NTRK3: variants seen among roughly 807,000 people sequenced by gnomAD.
NTRK3 encodes neurotrophic receptor tyrosine kinase 3.
A neutral mutation model predicts 91.7 loss-of-function variants in NTRK3; 24 were observed. That is an observed-to-expected ratio of 0.26 (90% confidence interval 0.19 to 0.37). The LOEUF (loss-of-function observed/expected upper bound fraction) is 0.37, where lower values mean the gene tolerates loss of function less well. Among genes scored for constraint, NTRK3 ranks in the 10% least tolerant of loss-of-function variants. The probability of loss-of-function intolerance (pLI) is 1.00; values close to 1 mark genes in which losing one functional copy is unlikely to be tolerated. For synonymous variants in NTRK3, 483 were observed against 404.0 expected (o/e 1.20, Z -2.34); for missense variants, 880 against 1,068.9 (o/e 0.82, Z 2.46).
exon 19 of NTRK3, chr15:87,861,637 C>G (rs980202511): frequency 1.5e-5 from 3 of 194,146 alleles, no homozygotes; most frequent in Non-Finnish European, 3.2e-5. Context: ...CCCACTTAGC[C>G]AGTGCCGGCT....
chr15:88,172,146 G>A (rs2045581766), intron 5 of NTRK3, among the ~76,000 whole-genome samples: 1 of 152,146 alleles, frequency 6.6e-6, no homozygotes, highest in African/African-American at 2.4e-5. Context: ...AGGCCTCTTG[G>A]ACCCAAGGCA....
chr15:88,218,809 C>T (rs944476623), intron 3 of NTRK3, among the ~76,000 whole-genome samples: 1 of 152,250 alleles, frequency 6.6e-6, no homozygotes, highest in African/African-American at 2.4e-5. Flanking sequence ...CGCATTAACC[C>T]CTGTGAGAGG....
At chr15:88,087,583 G>T (rs1346612982) in intron 13 of NTRK3, among the ~76,000 whole-genome samples, 3 of 152,168 alleles carry the variant, frequency 2.0e-5, no homozygotes, top group Non-Finnish European at 4.4e-5. Context: ...TTCCTCTTGG[G>T]ATCAATGGGA....
chr15:88,212,165 G>A (rs28441046), intron 3 of NTRK3, among the ~76,000 whole-genome samples: 4,918 of 151,952 alleles, frequency 0.032, 229 homozygotes, highest in African/African-American at 0.1. Context: ...TCAGGAGATC[G>A]AGACCATCCT....
At chr15:87,962,812 C>T (rs2072427020) in intron 14 of NTRK3, among the ~76,000 whole-genome samples, 1 of 152,152 alleles carries the variant, frequency 6.6e-6, no homozygotes, top group Non-Finnish European at 1.5e-5. Context: ...TCACTCTGAC[C>T]TTGAGAAAGT....
exon 19 of NTRK3, chr15:87,875,165 G>A (rs528544164): frequency 4.3e-6 from 1 of 231,958 alleles, no homozygotes; most frequent in East Asian, 6.1e-5. Flanking sequence ...AGTCTCTTCA[G>A]CTGGCAGGGA....
rs1597824340 is a variant in NTRK3 at position 88,184,411 on chromosome 15, C to G, written c.249-112G>C. 2.9e-6 allele frequency: 3 copies of G among 1,041,210 alleles called. No homozygotes were observed. In the East Asian group the frequency reaches 7.7e-5, roughly 27 times the overall value. The allele number at this position is 1,041,210 out of a possible 1,614,324, so 64.5% of individuals were successfully genotyped here. A position where few individuals can be genotyped will look rare whatever the true frequency, so the allele number is the denominator to read the frequency against. Reference sequence around the variant, plus strand: ...CCGATGAGCTAATTGATTGCCAGGCCTTTTGCCAAGTCACCAAATAAATCT... The same window carrying G: ...CCGATGAGCTAATTGATTGCCAGGCGTTTTGCCAAGTCACCAAATAAATCT... On this transcript the variant is annotated intron_variant, in intron 3 of 18. Transcript: ENST00000394480.
intron 13 of NTRK3, among the ~76,000 whole-genome samples, chr15:88,044,314 G>A (rs540621827): frequency 2.8e-5 from 4 of 141,512 alleles, no homozygotes; most frequent in Non-Finnish European, 6.0e-5. Context: ...AAGCTGGAGT[G>A]CAGTGACACG....
At chr15:88,080,290 C>A (rs543997980) in intron 13 of NTRK3, among the ~76,000 whole-genome samples, 1 of 152,152 alleles carries the variant, frequency 6.6e-6, no homozygotes, top group Non-Finnish European at 1.5e-5. Context: ...TACTGTCAAA[C>A]AAGCCCTCTG....
chr15:88,123,901 C>T (rs867381004), intron 13 of NTRK3, among the ~76,000 whole-genome samples: 16 of 152,136 alleles, frequency 1.1e-4, no homozygotes, highest in Non-Finnish European at 1.9e-4. Context: ...TCTCATCAGA[C>T]TTAACGAGTC....
intron 3 of NTRK3, among the ~76,000 whole-genome samples, chr15:88,238,830 T>C (rs1212046993): frequency 6.6e-6 from 1 of 152,244 alleles, no homozygotes; most frequent in East Asian, 1.9e-4. Flanking sequence ...CCAGTTGTTT[T>C]GCTCTTGCAC....
chr15:88,248,987 G>C (rs932161045), intron 3 of NTRK3, among the ~76,000 whole-genome samples: 55 of 152,192 alleles, frequency 3.6e-4, no homozygotes, highest in African/African-American at 1.3e-3. Context: ...CCCAGAGGAG[G>C]AAAGGGATTT....
intron 14 of NTRK3, among the ~76,000 whole-genome samples, chr15:88,032,390 G>A (rs1407631681): frequency 6.6e-6 from 1 of 152,108 alleles, no homozygotes; most frequent in Non-Finnish European, 1.5e-5. Context: ...ACACTTCGGG[G>A]CACTGGAGGG....
At chr15:88,175,297 C>T (rs1324904268) in intron 5 of NTRK3, among the ~76,000 whole-genome samples, 4 of 152,078 alleles carry the variant, frequency 2.6e-5, no homozygotes, top group Non-Finnish European at 4.4e-5. Flanking sequence ...CTTTGCCCCA[C>T]GGCAGAGGAA....
chr15:88,006,063 A>G, intron 14 of NTRK3, among the ~76,000 whole-genome samples: 1 of 152,210 alleles, frequency 6.6e-6, no homozygotes, highest in East Asian at 1.9e-4. Flanking sequence ...CCATATCAGA[A>G]CACTTGTAAT....
chr15:87,969,230 G>GC (rs774141880), intron 14 of NTRK3, among the ~76,000 whole-genome samples: 2 of 152,266 alleles, frequency 1.3e-5, no homozygotes, highest in East Asian at 3.9e-4. Flanking sequence ...CAGAGCAGGG[G>GC]CCTTCCGAAT....
intron 6 of NTRK3, among the ~76,000 whole-genome samples, chr15:88,146,090 T>C (rs140852071): frequency 1.3e-3 from 205 of 152,346 alleles, no homozygotes; most frequent in African/African-American, 4.8e-3. Context: ...AGTATACAAC[T>C]TAAGAGATTG....
chr15:88,057,511 A>G (rs532494426), intron 13 of NTRK3, among the ~76,000 whole-genome samples: 15 of 151,988 alleles, frequency 9.9e-5, no homozygotes, highest in South Asian at 4.2e-4. Flanking sequence ...AGAAAAAAAA[A>G]AAAGAAAGAA....
At chr15:88,046,354 G>C (rs1236177198) in intron 13 of NTRK3, among the ~76,000 whole-genome samples, 7 of 152,112 alleles carry the variant, frequency 4.6e-5, no homozygotes, top group African/African-American at 1.7e-4. Flanking sequence ...TCTGAGCTAG[G>C]GACTAGAAAA....
Sources: allele counts gnomAD v4.1 joint callset (sites outside exome capture counted in the v4.1 genomes callset), GRCh38; gene constraint gnomAD v4.1.1; transcripts MANE v1.5; gene names NCBI Gene and HGNC (gene_info 2026-07-23, HGNC 2026-07-21).